Variants in LRP1B observed in about 807,000 individuals in gnomAD.
LRP1B encodes the protein low-density lipoprotein receptor-related protein 1B.
In LRP1B, 217 loss-of-function variants were observed where a neutral mutation model predicts 556.6. That is an observed-to-expected ratio of 0.39 (90% CI 0.35 to 0.44). The LOEUF is 0.44. Among genes scored for constraint, LRP1B ranks in the 20% least tolerant of loss-of-function variants. The pLI is 1.00. For missense variants in LRP1B, 5,053 were observed against 5,620.8 expected (o/e 0.90, Z 3.23); for synonymous variants, 2,047 against 1,865.8 (o/e 1.10, Z -2.50).
Position 140,835,597 on chromosome 2 carries a change from G to C in LRP1B, c.5209+4394C>G, listed in dbSNP as rs186131562. The stretch of plus-strand genomic sequence containing the variant: ...TTGTTGCACAGGCTGGAGTGCAATG[G>C]CACGACTTTGGCTTACTGCAACCTC... On this transcript the variant is annotated intron_variant, in intron 31 of 90. Transcript: ENST00000389484. Among the ~76,000 whole-genome samples, 705 of 152,274 alleles carry C rather than the reference G, an allele frequency of 4.6e-3. 8 individuals carry two copies. Among genetic ancestry groups the C allele is most frequent in the African/African-American group, 0.016 (667 of 41,548 alleles).
intron 6 of LRP1B, among the ~76,000 whole-genome samples, chr2:141,219,740 A>G (rs1249004158): frequency 2.6e-5 from 4 of 152,162 alleles, no homozygotes. Flanking sequence ...ACAGGAAGCC[A>G]TCTTTGCTGT....
chr2:140,740,581 C>T (rs950933111), intron 35 of LRP1B, among the ~76,000 whole-genome samples: 3 of 152,082 alleles, frequency 2.0e-5, no homozygotes, highest in Middle Eastern at 3.2e-3. Flanking sequence ...GTGATGGGTG[C>T]ACCAAAATCT....
intron 1 of LRP1B, among the ~76,000 whole-genome samples, chr2:142,035,419 G>A (rs1404647819): frequency 6.6e-6 from 1 of 151,578 alleles, no homozygotes; most frequent in East Asian, 1.9e-4. Flanking sequence ...ATTATCCAGG[G>A]AAGTTAATTC....
intron 41 of LRP1B, among the ~76,000 whole-genome samples, chr2:140,679,499 C>T (rs1685788310): frequency 6.6e-6 from 1 of 152,230 alleles, no homozygotes; most frequent in Admixed American, 6.5e-5. Context: ...CATTTAAATA[C>T]TAATATTCAT....
At chr2:140,899,925 C>G (rs1046112903) in intron 23 of LRP1B, among the ~76,000 whole-genome samples, 2 of 152,022 alleles carry the variant, frequency 1.3e-5, no homozygotes, top group African/African-American at 2.4e-5. Flanking sequence ...GTATTTATAA[C>G]TCTACTAATC....
In LRP1B at chr2:141,293,625, C is replaced by CTTTT. The variant is rs376533625; in HGVS notation, c.344-38988_344-38985dup. Among the ~76,000 whole-genome samples the CTTTT allele has an allele frequency of 3.3e-3, 456 of 137,296 alleles. 2 individuals are homozygous for CTTTT. The highest frequency in any genetic ancestry group is 0.012 in the African/African-American group (435 of 37,632). The allele number at this position is 137,296 out of a possible 152,430, so 90.1% of individuals were successfully genotyped here. A position where few individuals can be genotyped will look rare whatever the true frequency, so the allele number is the denominator to read the frequency against. On this transcript the variant is annotated intron_variant, in intron 3 of 90. Coordinates refer to ENST00000389484, the MANE Select transcript of LRP1B (RefSeq NM_018557.3). Reference sequence around the variant, plus strand: ...ATTTGATGCCAAAGATCACTACATTCTTTTTTTTTTTTTTCTGTCTTGGGA... The same window carrying CTTTT: ...ATTTGATGCCAAAGATCACTACATTCTTTTTTTTTTTTTTTTTTCTGTCTTGGGA...
intron 3 of LRP1B, among the ~76,000 whole-genome samples, chr2:141,368,689 A>G (rs1559033508): frequency 6.6e-6 from 1 of 152,184 alleles, no homozygotes; most frequent in Non-Finnish European, 1.5e-5. Context: ...ATAATGCTTT[A>G]TCACAGTTGT....
chr2:140,598,957 C>A (rs1177627778), intron 42 of LRP1B, 122 bp from the exon 43 acceptor site: 1 of 658,714 alleles, frequency 1.5e-6, no homozygotes. Flanking sequence ...CATATTCTAT[C>A]TTTAACAAAG....
rs1488369057 is a variant in LRP1B at position 140,354,352 on chromosome 2, T to C, written c.11531-1280A>G. On this transcript the variant is annotated intron_variant, in intron 75 of 90. Coordinates refer to ENST00000389484, the MANE Select transcript of LRP1B (RefSeq NM_018557.3). ...CTTAAACTCAGGTTTTCTGATTTTG[T>C]TGACTTTACTGTGATACTTTGCCTA... 2.6e-5 allele frequency among the ~76,000 whole-genome samples: 4 copies of C among 152,132 alleles called. No individual in the cohort carries two copies. In the East Asian group the frequency reaches 7.7e-4, roughly 29 times the overall value.
chr2:141,763,099 G>C (rs899714848), intron 2 of LRP1B, among the ~76,000 whole-genome samples: 5 of 152,084 alleles, frequency 3.3e-5, no homozygotes, highest in Non-Finnish European at 5.9e-5. Context: ...TATAAGAGAA[G>C]AACAAAACCG....
intron 32 of LRP1B, among the ~76,000 whole-genome samples, chr2:140,781,698 T>G (rs1378972011): frequency 1.3e-5 from 2 of 152,212 alleles, no homozygotes; most frequent in African/African-American, 2.4e-5. Flanking sequence ...TTCTTATTTA[T>G]GATGGTTTCC....
intron 1 of LRP1B, among the ~76,000 whole-genome samples, chr2:142,062,741 T>A (rs7598886): frequency 0.43 from 65,424 of 151,560 alleles, 16,048 homozygotes; most frequent in East Asian, 0.69. Flanking sequence ...AGACATTATT[T>A]ATCAATATTA....
At chr2:140,579,067 A>G (rs1218082827) in intron 43 of LRP1B, among the ~76,000 whole-genome samples, 1 of 152,124 alleles carries the variant, frequency 6.6e-6, no homozygotes, top group African/African-American at 2.4e-5. Flanking sequence ...AAAGAAAGAA[A>G]AAAAGAGGAA....
At chr2:141,864,814 G>A (rs765705134) in intron 1 of LRP1B, among the ~76,000 whole-genome samples, 15 of 152,062 alleles carry the variant, frequency 9.9e-5, no homozygotes, top group South Asian at 4.1e-4. Flanking sequence ...TCCAGGAGGC[G>A]GAGGCTGCAG....
chr2:140,900,555 A>G (rs1694075286), intron 23 of LRP1B, among the ~76,000 whole-genome samples: 1 of 152,200 alleles, frequency 6.6e-6, no homozygotes, highest in African/African-American at 2.4e-5. Flanking sequence ...ATCACAAAAC[A>G]AAAGAAAATT....
chr2:142,043,401 A>T (rs1704129730), intron 1 of LRP1B, among the ~76,000 whole-genome samples: 1 of 151,650 alleles, frequency 6.6e-6, no homozygotes, highest in African/African-American at 2.4e-5. Flanking sequence ...CTAAATGACA[A>T]GTTGAACCTC....
chr2:140,874,732 C>CACCAGGCTG (rs1693250137), intron 25 of LRP1B, among the ~76,000 whole-genome samples: 1 of 151,646 alleles, frequency 6.6e-6, no homozygotes, highest in African/African-American at 2.4e-5. Flanking sequence ...CTAAAAAGGA[C>CACCAGGCTG]ACCAGGCTGG....
chr2:140,545,776 T>G (rs1272838100), intron 43 of LRP1B, among the ~76,000 whole-genome samples: 1 of 152,138 alleles, frequency 6.6e-6, no homozygotes, highest in Non-Finnish European at 1.5e-5. Context: ...TTAAAACCTT[T>G]TTTTTCTAGC....
intron 7 of LRP1B, among the ~76,000 whole-genome samples, chr2:141,174,372 C>T (rs1377417923): frequency 6.6e-6 from 1 of 152,024 alleles, no homozygotes; most frequent in Admixed American, 6.6e-5. Flanking sequence ...TGTGTCTCCA[C>T]CCAAATCTCA....
Sources: allele counts gnomAD v4.1 joint callset (sites outside exome capture counted in the v4.1 genomes callset), GRCh38; gene constraint gnomAD v4.1.1; transcripts MANE v1.5; gene names NCBI Gene and HGNC (gene_info 2026-07-23, HGNC 2026-07-21).